Variants in HHIPL2 observed in about 807,000 individuals in gnomAD.
HHIPL2 encodes HHIP-like protein 2.
A neutral mutation model predicts 61.0 loss-of-function variants in HHIPL2; 61 were observed. That is an observed-to-expected ratio of 1.00 (90% CI 0.81 to 1.24). The LOEUF (loss-of-function observed/expected upper bound fraction) is 1.24, where lower values mean the gene tolerates loss of function less well. Ranked by LOEUF, HHIPL2 falls within the 50% of genes most tolerant of loss-of-function variation. The pLI is 0.00. For synonymous variants in HHIPL2, 343 were observed against 357.4 expected (o/e 0.96, Z 0.45); for missense variants, 885 against 910.2 (o/e 0.97, Z 0.36).
chr1:222,531,973 A>G lies in HHIPL2; in HGVS notation c.1716T>C (p.Asp572=), dbSNP rs750518725. Reference sequence around the variant, plus strand: ...ACTCTGTACATTTGTTACCTGCTTCATCTTCAGCAAAGGAGATGATGAACT... The same window carrying G: ...ACTCTGTACATTTGTTACCTGCTTCGTCTTCAGCAAAGGAGATGATGAACT... ...HSKFIISFAE[D]EAGELYFLAT... Residue 572 remains aspartate, a synonymous_variant, in exon 6 of 9, where the codon GAT becomes GAC. Coordinates refer to ENST00000343410, the MANE Select transcript of HHIPL2 (RefSeq NM_024746.4). 1 of 1,604,266 alleles carries G rather than the reference A, an allele frequency of 6.2e-7. No individual in the cohort carries two copies. Among genetic ancestry groups the G allele is most frequent in the Admixed American group, 1.7e-5 (1 of 59,366 alleles).
chr1:222,543,620 G>C lies in HHIPL2; in HGVS notation c.891C>G (p.Asp297Glu). The change falls in exon 2 of 9, where the codon GAC (aspartate) becomes GAG (glutamate). Residue 297 changes from aspartate (D) to glutamate (E), a missense_variant. Asp to Glu is a conservative substitution (Grantham distance 45). Coordinates refer to ENST00000343410, the MANE Select transcript of HHIPL2 (RefSeq NM_024746.4). ...RKFYIYYSCL[D>E]KKKVEKIRIS... ...TTCGGATCTTTTCTACCTTCTTCTTGTCCAGGCACGAATAATAAATATAGA... is the reference window on the plus strand; with the variant it reads ...TTCGGATCTTTTCTACCTTCTTCTTCTCCAGGCACGAATAATAAATATAGA... 1 of 1,614,062 alleles carries C rather than the reference G, an allele frequency of 6.2e-7. No homozygotes were observed. Among genetic ancestry groups the C allele is most frequent in the Non-Finnish European group, 8.5e-7 (1 of 1,180,010 alleles).
chr1:222,528,977 C>T (rs1381356655), intron 6 of HHIPL2, among the ~76,000 whole-genome samples: 1 of 151,998 alleles, frequency 6.6e-6, no homozygotes, highest in Non-Finnish European at 1.5e-5. Flanking sequence ...CATGCCACCA[C>T]ATCAGGATCA....
chr1:222,532,158 C>T (rs1558128144), intron 5 of HHIPL2, 47 bp from the exon 6 acceptor site: 14 of 1,528,604 alleles, frequency 9.2e-6, no homozygotes, highest in Non-Finnish European at 1.2e-5. Context: ...TATATCCACT[C>T]TGCAGAATAC....
chr1:222,526,530 AC>A (rs1435623811), intron 7 of HHIPL2, among the ~76,000 whole-genome samples: 1 of 151,720 alleles, frequency 6.6e-6, no homozygotes, highest in Non-Finnish European at 1.5e-5. Context: ...ACATGGAGAA[AC>A]CCCATCTCTA....
intron 5 of HHIPL2, among the ~76,000 whole-genome samples, chr1:222,533,439 G>A (rs564986778): frequency 6.6e-6 from 1 of 152,032 alleles, no homozygotes; most frequent in Non-Finnish European, 1.5e-5. Context: ...TGTGTATGGG[G>A]GCAGGGTGGT....
At chr1:222,544,590 A>G (rs2102623197) in intron 1 of HHIPL2, among the ~76,000 whole-genome samples, 1 of 152,194 alleles carries the variant, frequency 6.6e-6, no homozygotes, top group Admixed American at 6.5e-5. Context: ...CCTAACTCCT[A>G]GGCTCAAGTG....
intron 4 of HHIPL2, 98 bp from the exon 5 acceptor site, chr1:222,538,872 T>A: frequency 1.6e-6 from 2 of 1,256,108 alleles, no homozygotes; most frequent in Non-Finnish European, 2.2e-6. Context: ...CCTAATTCAG[T>A]AAAGAACACT....
Position 222,547,855 on chromosome 1 carries a change from A to C in HHIPL2, c.190T>G (p.Tyr64Asp). Residue 64 changes from tyrosine to aspartate, a missense_variant, in exon 1 of 9, where the codon TAT becomes GAT. By Grantham distance (160) the Tyr-to-Asp change is radical (BLOSUM62 -3). Coordinates refer to ENST00000343410, the MANE Select transcript of HHIPL2 (RefSeq NM_024746.4). ...PPLHLEFCSD[Y>D]ESFGCCDQHK... is the part of the protein sequence containing the mutation. The stretch of plus-strand genomic sequence containing the variant: ...TGATCACAGCAGCCGAAGGACTCAT[A>C]GTCAGAGCAAAACTCAAGGTGCAGA... 1 of 1,614,162 alleles carries C rather than the reference A, an allele frequency of 6.2e-7. No individual in the cohort carries two copies. The highest frequency in any genetic ancestry group is 8.5e-7 in the Non-Finnish European group (1 of 1,180,004).
At chr1:222,547,140 G>C (rs537615071) in intron 1 of HHIPL2, among the ~76,000 whole-genome samples, 119 of 152,326 alleles carry the variant, frequency 7.8e-4, no homozygotes, top group African/African-American at 2.8e-3. Context: ...GCAACCAGGA[G>C]AAGCAGAAAC....
In HHIPL2 at chr1:222,522,721, C is replaced by T. The variant is rs1440359174; in HGVS notation, c.2055G>A (p.Lys685=). The T allele has an allele frequency of 8.7e-6, 14 of 1,614,012 alleles. No individual in the cohort carries two copies. Among genetic ancestry groups the T allele is most frequent in the Non-Finnish European group, 1.2e-5 (14 of 1,180,040 alleles). The change falls in exon 9 of 9, where the codon AAG becomes AAA. Residue 685 remains lysine (K), a synonymous_variant. Coordinates refer to ENST00000343410, the MANE Select transcript of HHIPL2 (RefSeq NM_024746.4). ...SKNTLRGPGT[K]KKARVGPHVR... ...CGTGGGGCCCCACTCTGGCTTTCTT[C>T]TTTGTACCAGGCCCTCGCAATGTAT...
chr1:222,542,265 G>T, intron 2 of HHIPL2, 110 bp from the exon 3 acceptor site: 1 of 1,229,978 alleles, frequency 8.1e-7, no homozygotes, highest in Non-Finnish European at 1.1e-6. Flanking sequence ...TGCCAAGCCA[G>T]CCAAGACCTG....
chr1:222,543,480 T>C (rs915418448), intron 2 of HHIPL2, 57 bp downstream of exon 2: 13 of 1,485,140 alleles, frequency 8.8e-6, no homozygotes, highest in Non-Finnish European at 1.0e-5. Context: ...CTCGCAGACC[T>C]GGTTGGCATT....
chr1:222,523,953 G>A, intron 7 of HHIPL2: 1 of 472,448 alleles, frequency 2.1e-6, no homozygotes, highest in Non-Finnish European at 3.8e-6. Flanking sequence ...AGTCAAAACG[G>A]GTTCACATCC....
chr1:222,527,106 A>G, intron 6 of HHIPL2, 56 bp from the exon 7 acceptor site: 2 of 1,336,828 alleles, frequency 1.5e-6, no homozygotes, highest in Non-Finnish European at 2.1e-6. Context: ...ACTGAGACAC[A>G]GAGTTGGATG....
chr1:222,542,383 T>TA (rs1659450860), intron 2 of HHIPL2, among the ~76,000 whole-genome samples: 1 of 131,486 alleles, frequency 7.6e-6, no homozygotes, highest in Admixed American at 8.7e-5. Flanking sequence ...CTTTTTTTTT[T>TA]AGACAGAGTC....
chr1:222,527,002 C>A lies in HHIPL2; in HGVS notation c.1772G>T (p.Arg591Leu). 1 of 1,613,634 alleles carries A rather than the reference C, an allele frequency of 6.2e-7. No homozygotes were observed. The highest frequency in any genetic ancestry group is 1.7e-5 in the Admixed American group (1 of 59,942). The change falls in exon 7 of 9, where the codon CGT becomes CTT. Residue 591 changes from arginine (R) to leucine (L), a missense_variant. Coordinates refer to ENST00000343410, the MANE Select transcript of HHIPL2 (RefSeq NM_024746.4). ...ATSYPSAYAP[R>L]GSIYKFVDPS... ...GTCAACAAACTTGTAAATAGATCCACGTGGTGCATAGGCACTTGGGTAAGA... is the reference window on the plus strand; with the variant it reads ...GTCAACAAACTTGTAAATAGATCCAAGTGGTGCATAGGCACTTGGGTAAGA...
intron 2 of HHIPL2, 53 bp from the exon 3 acceptor site, chr1:222,542,208 C>A: frequency 2.5e-6 from 4 of 1,595,062 alleles, no homozygotes; most frequent in Non-Finnish European, 2.6e-6. Flanking sequence ...GCTGAAGCTG[C>A]ATCCTCTTGA....
At chr1:222,545,969 C>T (rs1422070992) in intron 1 of HHIPL2, among the ~76,000 whole-genome samples, 3 of 151,938 alleles carry the variant, frequency 2.0e-5, no homozygotes, top group Non-Finnish European at 1.5e-5. Flanking sequence ...CGCTTGAAGC[C>T]GGGAGGCAGA....
chr1:222,536,972 G>C (rs895853343), intron 5 of HHIPL2, among the ~76,000 whole-genome samples: 1 of 152,114 alleles, frequency 6.6e-6, no homozygotes, highest in Non-Finnish European at 1.5e-5. Context: ...CCAGGAGTTT[G>C]AGGCTGTAGT....
Sources: allele counts gnomAD v4.1 joint callset (sites outside exome capture counted in the v4.1 genomes callset), GRCh38; gene constraint gnomAD v4.1.1; transcripts MANE v1.5; gene names NCBI Gene and HGNC (gene_info 2026-07-23, HGNC 2026-07-21).